Variants in LUZP2 observed in about 807,000 individuals in gnomAD.
The protein encoded by LUZP2 is leucine zipper protein 2.
LUZP2 carries 52 observed loss-of-function variants against 51.6 expected under a neutral mutation model. That is an observed-to-expected ratio of 1.01 (90% CI 0.81 to 1.27). LUZP2 has a LOEUF of 1.27. Among genes scored for constraint, LUZP2 ranks in the 50% most tolerant of loss-of-function variants. The pLI, the probability that LUZP2 is intolerant of heterozygous loss-of-function variation, is 0.00. For synonymous variants in LUZP2, 154 were observed against 137.3 expected, an observed-to-expected ratio of 1.12 and a Z score of -0.85; for missense variants, 436 against 395.4, an observed-to-expected ratio of 1.10 and a Z score of -0.87.
intron 1 of LUZP2, among the ~76,000 whole-genome samples, chr11:24,702,458 G>A (rs147716007): frequency 1.2e-4 from 18 of 152,224 alleles, no homozygotes; most frequent in African/African-American, 3.9e-4. Context: ...GAGGAAACAC[G>A]GCACTGGTAT....
intron 1 of LUZP2, among the ~76,000 whole-genome samples, chr11:24,541,259 A>AG (rs760185194): frequency 3.7e-5 from 2 of 53,944 alleles, no homozygotes; most frequent in South Asian, 4.0e-4. Context: ...ATCTCAAGGA[A>AG]AAAAAAAAAA....
chr11:25,063,692 C>A (rs1019904719), intron 10 of LUZP2, among the ~76,000 whole-genome samples: 1 of 133,332 alleles, frequency 7.5e-6, no homozygotes, highest in Non-Finnish European at 1.7e-5. Context: ...TCTTCCAAAA[C>A]TGAATGGACC....
intron 5 of LUZP2, among the ~76,000 whole-genome samples, chr11:24,862,167 A>T (rs1851761385): frequency 6.6e-6 from 1 of 152,190 alleles, no homozygotes; most frequent in Non-Finnish European, 1.5e-5. Flanking sequence ...GATCACCTAT[A>T]AAGGGAAGCC....
intron 5 of LUZP2, among the ~76,000 whole-genome samples, chr11:24,837,851 A>G (rs1475088677): frequency 6.6e-6 from 1 of 151,560 alleles, no homozygotes; most frequent in Admixed American, 6.6e-5. Flanking sequence ...TGTATTTGCT[A>G]GTTATCACTG....
At chr11:24,943,423 A>G (rs1461108342) in intron 7 of LUZP2, among the ~76,000 whole-genome samples, 1 of 152,020 alleles carries the variant, frequency 6.6e-6, no homozygotes. Flanking sequence ...TATTTGTCCA[A>G]TTAATTCTCC....
chr11:24,747,787 G>A (rs1859434710), intron 4 of LUZP2, among the ~76,000 whole-genome samples: 1 of 152,056 alleles, frequency 6.6e-6, no homozygotes. Context: ...GTGTACCTAG[G>A]AGGATTATGG....
At chr11:24,986,922 G>A (rs1024744067) in intron 9 of LUZP2, among the ~76,000 whole-genome samples, 10 of 151,744 alleles carry the variant, frequency 6.6e-5, no homozygotes, top group Admixed American at 2.0e-4. Context: ...ATAATAGAAC[G>A]TTTAAGAGGT....
chr11:24,685,688 G>A (rs1243876847), intron 1 of LUZP2, among the ~76,000 whole-genome samples: 2 of 152,126 alleles, frequency 1.3e-5, no homozygotes, highest in Non-Finnish European at 2.9e-5. Flanking sequence ...CATTGATCAT[G>A]ATAAATGACT....
intron 1 of LUZP2, among the ~76,000 whole-genome samples, chr11:24,527,601 T>A (rs1042489561): frequency 5.0e-5 from 6 of 120,152 alleles, no homozygotes; most frequent in Non-Finnish European, 9.3e-5. Flanking sequence ...ACACACACAT[T>A]TATTTGTTGG....
chr11:24,658,555 A>G (rs1855900721), intron 1 of LUZP2, among the ~76,000 whole-genome samples: 1 of 152,190 alleles, frequency 6.6e-6, no homozygotes, highest in African/African-American at 2.4e-5. Context: ...CAATGGCAAC[A>G]AAAGCCAAAA....
chr11:24,909,338 A>G (rs1402336524), intron 6 of LUZP2, among the ~76,000 whole-genome samples: 1 of 151,984 alleles, frequency 6.6e-6, no homozygotes, highest in Admixed American at 6.6e-5. Context: ...ATTATGTTTT[A>G]AAAATGAACA....
chr11:24,509,457 T>G (rs745714736), intron 1 of LUZP2, among the ~76,000 whole-genome samples: 2 of 149,324 alleles, frequency 1.3e-5, no homozygotes, highest in African/African-American at 2.4e-5. Context: ...ATGGTATATA[T>G]TATATATGGT....
intron 1 of LUZP2, among the ~76,000 whole-genome samples, chr11:24,615,651 G>A (rs2133894912): frequency 6.6e-6 from 1 of 151,966 alleles, no homozygotes; most frequent in East Asian, 1.9e-4. Flanking sequence ...TCACTTATTT[G>A]GGATAGATGC....
chr11:24,664,596 C>T (rs1001292848), intron 1 of LUZP2, among the ~76,000 whole-genome samples: 1 of 152,072 alleles, frequency 6.6e-6, no homozygotes, highest in Non-Finnish European at 1.5e-5. Context: ...TGGGCTGGTC[C>T]CAGGAACCCC....
At chr11:24,921,021 T>G (rs948478562) in intron 7 of LUZP2, among the ~76,000 whole-genome samples, 3 of 152,032 alleles carry the variant, frequency 2.0e-5, no homozygotes. Context: ...AAATACAATA[T>G]TTACATAGCA....
intron 1 of LUZP2, among the ~76,000 whole-genome samples, chr11:24,561,171 C>A (rs1247993852): frequency 6.6e-6 from 1 of 152,080 alleles, no homozygotes; most frequent in African/African-American, 2.4e-5. Context: ...GCACACATTC[C>A]CTGTCTTGAA....
At chr11:24,740,932 T>C (rs1228399060) in intron 4 of LUZP2, among the ~76,000 whole-genome samples, 1 of 152,120 alleles carries the variant, frequency 6.6e-6, no homozygotes, top group African/African-American at 2.4e-5. Context: ...ATAAGCAACT[T>C]CTAAGTTGTA....
intron 7 of LUZP2, among the ~76,000 whole-genome samples, chr11:24,917,694 ATCTC>A (rs1054143908): frequency 0.024 from 3,690 of 152,024 alleles, 144 homozygotes; most frequent in African/African-American, 0.082. Flanking sequence ...ATTGGTCTAT[ATCTC>A]TGTTTTGGTA....
intron 5 of LUZP2, among the ~76,000 whole-genome samples, chr11:24,869,286 C>G (rs1048158355): frequency 7.2e-5 from 11 of 152,092 alleles, no homozygotes; most frequent in Admixed American, 5.9e-4. Flanking sequence ...TTTTATTGCA[C>G]TTAGCTTCAA....
Sources: allele counts gnomAD v4.1 joint callset (sites outside exome capture counted in the v4.1 genomes callset), GRCh38; gene constraint gnomAD v4.1.1; transcripts MANE v1.5; gene names NCBI Gene and HGNC (gene_info 2026-07-23, HGNC 2026-07-21).